Variants in YBEY observed in about 807,000 individuals in gnomAD.
YBEY encodes the protein endoribonuclease YbeY.
Under a neutral mutation model 13.5 loss-of-function variants are expected in YBEY, and 15 were observed. That is an observed-to-expected ratio of 1.11 (90% CI 0.75 to 1.72). YBEY has a LOEUF of 1.72. Ranked by LOEUF, YBEY falls within the 40% of genes most tolerant of loss-of-function variation. YBEY has a pLI of 0.00. For synonymous variants in YBEY, 101 were observed against 83.1 expected (o/e 1.21, Z -1.17); for missense variants, 244 against 208.4 (o/e 1.17, Z -1.05).
chr21:46,297,146 A>C (rs1231695770), intron 4 of YBEY, among the ~76,000 whole-genome samples: 1 of 151,626 alleles, frequency 6.6e-6, no homozygotes, highest in Non-Finnish European at 1.5e-5. Flanking sequence ...TAAAAACGCA[A>C]AGATTAGCCG....
the YBEY span, chr21:46,311,321 T>C: frequency 2.2e-6 from 1 of 450,014 alleles, no homozygotes; most frequent in Non-Finnish European, 4.1e-6. Flanking sequence ...TATATAAGGA[T>C]TTCTTAAAGT....
chr21:46,302,510 A>C, downstream of YBEY: 2 of 1,612,104 alleles, frequency 1.2e-6, no homozygotes, highest in South Asian at 2.2e-5. Context: ...CAGGGCCTTG[A>C]GCATCCAGTT....
At position 46,297,747 on chromosome 21, in the gene YBEY, C is replaced by G; in HGVS notation, c.*113C>G. The G allele has an allele frequency of 8.0e-7, 1 of 1,246,268 alleles. No homozygotes were observed. The highest frequency in any genetic ancestry group is 3.9e-5 in the South Asian group (1 of 25,910). The allele number at this position is 1,246,268 out of a possible 1,614,324, so 77.2% of individuals were successfully genotyped here. On this transcript the variant is annotated 3_prime_UTR_variant, in exon 5 of 5. Transcript: ENST00000397701. ...TACGAGGGGAACCTCCTCTTATTTC[C>G]TTCACGTTGCATCGGGTATTTTTCG...
intron 2 of YBEY, 135 bp from the exon 3 acceptor site, chr21:46,291,197 CAA>C (rs878872964): frequency 0.022 from 13,628 of 628,168 alleles, no homozygotes; most frequent in East Asian, 0.034. Flanking sequence ...AACTCCGTCT[CAA>C]AAAAAAAAAA....
chr21:46,293,163 GATTAA>G (rs1293887745), intron 3 of YBEY, among the ~76,000 whole-genome samples: 4 of 81,168 alleles, frequency 4.9e-5, no homozygotes, highest in Admixed American at 2.4e-4. Flanking sequence ...TTAAACTCTA[GATTAA>G]ATTCCTCCCG....
At chr21:46,302,771 C>G in the YBEY span, among the ~76,000 whole-genome samples, 1 of 109,734 alleles carries the variant, frequency 9.1e-6, no homozygotes, top group South Asian at 3.6e-4. Flanking sequence ...GGTGCGGGTC[C>G]CCGGGGCGCG....
the YBEY span, among the ~76,000 whole-genome samples, chr21:46,308,008 T>C: frequency 2.6e-4 from 39 of 152,158 alleles, no homozygotes; most frequent in African/African-American, 9.2e-4. Flanking sequence ...TTTTTTTCTT[T>C]TTTGAGACAG....
intron 3 of YBEY, among the ~76,000 whole-genome samples, chr21:46,293,280 CAG>C (rs2081814442): frequency 1.4e-5 from 1 of 69,434 alleles, no homozygotes; most frequent in African/African-American, 4.7e-5. Context: ...GCCCGGGACT[CAG>C]TGGGGACAGC....
the YBEY span, among the ~76,000 whole-genome samples, chr21:46,302,793 T>C: frequency 1.7e-5 from 1 of 59,608 alleles, no homozygotes; most frequent in Non-Finnish European, 3.2e-5. Context: ...CCTGAGCCCG[T>C]CTGCACACGG....
the YBEY span, chr21:46,312,982 C>T: frequency 1.0e-6 from 1 of 985,406 alleles, no homozygotes; most frequent in Non-Finnish European, 1.2e-6. Context: ...CATGAAAGGC[C>T]TTCTGTTTTA....
At chr21:46,309,661 CAA>C in the YBEY span, among the ~76,000 whole-genome samples, 1 of 151,680 alleles carries the variant, frequency 6.6e-6, no homozygotes, top group Non-Finnish European at 1.5e-5. Context: ...AGAAGCCATA[CAA>C]AAAAAGAGTA....
chr21:46,291,141 G>A (rs534461680), intron 2 of YBEY, among the ~76,000 whole-genome samples, 193 bp from the exon 3 acceptor site: 16 of 149,748 alleles, frequency 1.1e-4, no homozygotes, highest in African/African-American at 3.7e-4. Flanking sequence ...AGGTTGCAGT[G>A]AGCCGAGATC....
At chr21:46,294,018 C>G (rs1324611534) in intron 3 of YBEY, among the ~76,000 whole-genome samples, 7 of 16,854 alleles carry the variant, frequency 4.2e-4, no homozygotes, top group African/African-American at 6.2e-4. Context: ...GTGCCCGGGA[C>G]TCAGTGGAGT....
At chr21:46,311,662 A>G in the YBEY span, 1 of 541,518 alleles carries the variant, frequency 1.8e-6, no homozygotes. Context: ...CATCCAACCA[A>G]CCAACCAACC....
chr21:46,301,743 G>A, downstream of YBEY: 1 of 1,215,112 alleles, frequency 8.2e-7, no homozygotes, highest in Non-Finnish European at 1.0e-6. Flanking sequence ...CCTGGGAGGG[G>A]CTGTTGCCCT....
At chr21:46,305,668 G>A in the YBEY span, among the ~76,000 whole-genome samples, 56 of 152,218 alleles carry the variant, frequency 3.7e-4, no homozygotes, top group East Asian at 4.6e-3. Flanking sequence ...GGCCGGGCGC[G>A]GTGGCTCACG....
downstream of YBEY, chr21:46,302,117 G>A: frequency 2.0e-6 from 3 of 1,523,158 alleles, no homozygotes; most frequent in South Asian, 1.2e-5. Flanking sequence ...CCTTGGCCTG[G>A]CAGCTCGTGG....
In YBEY at chr21:46,297,516, C is replaced by G. The variant is rs1279501201; in HGVS notation, c.409-23C>G. The G allele has an allele frequency of 2.2e-6, 3 of 1,359,458 alleles. No individual in the cohort carries two copies. The East Asian group carries it at 9.2e-5, about 42-fold the overall frequency. The allele number at this position is 1,359,458 out of a possible 1,614,324, so 84.2% of individuals were successfully genotyped here. ...GCGCGGACACCTTCCCTGGGGAGGG[C>G]CAGCGCGCTTCCTTCCTTCCAGATG... On this transcript the variant is annotated intron_variant, in intron 4 of 4. Coordinates refer to ENST00000397701, the MANE Select transcript of YBEY (RefSeq NM_001314025.2).
chr21:46,312,205 T>C, the YBEY span, among the ~76,000 whole-genome samples: 9 of 152,190 alleles, frequency 5.9e-5, no homozygotes. Context: ...AGTCTAGATA[T>C]CACTTAGGAT....
Sources: allele counts gnomAD v4.1 joint callset (sites outside exome capture counted in the v4.1 genomes callset), GRCh38; gene constraint gnomAD v4.1.1; transcripts MANE v1.5; gene names NCBI Gene and HGNC (gene_info 2026-07-23, HGNC 2026-07-21).